The following SGIP1 variants were observed in gnomAD, a reference collection of about 807,000 sequenced individuals.
SGIP1 encodes the protein SH3GL interacting endocytic adaptor 1.
In SGIP1, 38 loss-of-function variants were observed where a neutral mutation model predicts 107.5. The observed-to-expected ratio is 0.35, with a 90% CI of 0.27 to 0.46. The LOEUF is 0.46. SGIP1 is among the 20% of genes least tolerant of loss of function. The pLI is 1.00. For synonymous variants in SGIP1, 365 were observed against 366.1 expected (o/e 1.00, Z 0.03); for missense variants, 929 against 1,019.5 (o/e 0.91, Z 1.21).
In SGIP1 at chr1:66,599,152, A is replaced by G. The variant is rs80252493; in HGVS notation, c.11-26695A>G. ...ACAACTACTAAGTTATTAAGGACATAAATGCTCAAGTTACTCGAACCTAAC... is the reference window on the plus strand; with the variant it reads ...ACAACTACTAAGTTATTAAGGACATGAATGCTCAAGTTACTCGAACCTAAC... On this transcript the variant is annotated intron_variant, in intron 1 of 24. Transcript: ENST00000371037. 2.6e-5 allele frequency among the ~76,000 whole-genome samples: 4 copies of G among 152,340 alleles called. No individual in the cohort carries two copies. In the East Asian group the frequency reaches 7.7e-4, roughly 29 times the overall value.
chr1:66,633,880 T>C (rs1041079702), intron 3 of SGIP1, among the ~76,000 whole-genome samples: 2 of 152,186 alleles, frequency 1.3e-5, no homozygotes, highest in Admixed American at 6.5e-5. Context: ...TAAAAAATTT[T>C]TTAAATCACC....
intron 1 of SGIP1, among the ~76,000 whole-genome samples, chr1:66,588,638 C>CTTTTTT (rs35096597): frequency 3.0e-5 from 3 of 98,660 alleles, no homozygotes; most frequent in African/African-American, 7.3e-5. Context: ...CTAGTTAGTT[C>CTTTTTT]TTTTTTTTTT....
chr1:66,715,926 A>G (rs1210331683), intron 18 of SGIP1, among the ~76,000 whole-genome samples: 2 of 152,190 alleles, frequency 1.3e-5, no homozygotes, highest in African/African-American at 4.8e-5. Context: ...TGAATCTGCC[A>G]TGATGATCAT....
intron 4 of SGIP1, among the ~76,000 whole-genome samples, chr1:66,636,507 A>T (rs2075806040): frequency 6.6e-6 from 1 of 152,212 alleles, no homozygotes; most frequent in Non-Finnish European, 1.5e-5. Flanking sequence ...CGTGTTGTAC[A>T]TTATGGTAGC....
intron 1 of SGIP1, among the ~76,000 whole-genome samples, chr1:66,549,971 TC>T (rs1026591398): frequency 1.3e-5 from 2 of 152,156 alleles, no homozygotes; most frequent in Non-Finnish European, 2.9e-5. Flanking sequence ...GAAGCAGGAA[TC>T]TTTTAGGGAA....
chr1:66,584,159 T>G (rs1211989964), intron 1 of SGIP1, among the ~76,000 whole-genome samples: 2 of 152,128 alleles, frequency 1.3e-5, no homozygotes, highest in African/African-American at 4.8e-5. Context: ...ATAAGCTTCT[T>G]GAATTTATGA....
chr1:66,717,653 C>T (rs145899217), intron 18 of SGIP1, among the ~76,000 whole-genome samples: 169 of 152,244 alleles, frequency 1.1e-3, no homozygotes, highest in African/African-American at 3.9e-3. Flanking sequence ...TAATAACGTC[C>T]TCAGAGTCTA....
chr1:66,556,719 G>C (rs527299557), intron 1 of SGIP1, among the ~76,000 whole-genome samples: 4 of 151,338 alleles, frequency 2.6e-5, no homozygotes, highest in Middle Eastern at 3.4e-3. Flanking sequence ...GTTCAAATGA[G>C]CGTGGAGATC....
Position 66,743,129 on chromosome 1 carries a change from T to A in SGIP1, c.*34T>A. Reference sequence around the variant, plus strand: ...TATGCAAGGATTTGGAGGATTCATATAATGGAGAACTGATGTATGAGAAAC... The same window carrying A: ...TATGCAAGGATTTGGAGGATTCATAAAATGGAGAACTGATGTATGAGAAAC... On this transcript the variant is annotated 3_prime_UTR_variant, in exon 25 of 25. Transcript: ENST00000371037. 1.2e-6 allele frequency: 2 copies of A among 1,610,600 alleles called. No individual in the cohort carries two copies. The highest frequency in any genetic ancestry group is 8.5e-7 in the Non-Finnish European group (1 of 1,177,642).
At chr1:66,625,953 A>G (rs769775272) in intron 2 of SGIP1, 43 bp downstream of exon 2, 6 of 1,517,558 alleles carry the variant, frequency 4.0e-6, no homozygotes, top group Non-Finnish European at 5.5e-6. Flanking sequence ...AGCTATTTGC[A>G]TAAGAGATGC....
chr1:66,600,292 A>G (rs2065531294), intron 1 of SGIP1, among the ~76,000 whole-genome samples: 1 of 152,136 alleles, frequency 6.6e-6, no homozygotes, highest in Non-Finnish European at 1.5e-5. Flanking sequence ...TCTTTTTTCA[A>G]TTTGAATAGC....
At chr1:66,707,226 A>G (rs1184275059) in intron 18 of SGIP1, among the ~76,000 whole-genome samples, 2 of 151,144 alleles carry the variant, frequency 1.3e-5, no homozygotes, top group African/African-American at 4.9e-5. Flanking sequence ...GTAGAAAAGC[A>G]TTTTTTTTTC....
chr1:66,534,068 C>T (rs539524620), upstream of SGIP1: 18 of 513,522 alleles, frequency 3.5e-5, no homozygotes, highest in East Asian at 3.6e-4. Flanking sequence ...TACCATGTGA[C>T]GCGGTCCAAA....
intron 1 of SGIP1, among the ~76,000 whole-genome samples, chr1:66,573,026 T>TA (rs1374000400): frequency 1.3e-5 from 2 of 151,860 alleles, no homozygotes; most frequent in Non-Finnish European, 2.9e-5. Flanking sequence ...AGAGAGAAAG[T>TA]AGATTAATGT....
At chr1:66,667,846 G>A (rs1176709739) in intron 9 of SGIP1, among the ~76,000 whole-genome samples, 2 of 151,974 alleles carry the variant, frequency 1.3e-5, no homozygotes, top group Admixed American at 6.6e-5. Flanking sequence ...TATATAAAAG[G>A]CCTAGAGATT....
intron 4 of SGIP1, among the ~76,000 whole-genome samples, chr1:66,638,798 C>T (rs1037316833): frequency 6.6e-6 from 1 of 152,224 alleles, no homozygotes; most frequent in East Asian, 1.9e-4. Flanking sequence ...GTTCAAGTGG[C>T]CTTTATTTGT....
At chr1:66,691,022 GTC>G (rs1036256621) in intron 17 of SGIP1, among the ~76,000 whole-genome samples, 1 of 152,086 alleles carries the variant, frequency 6.6e-6, no homozygotes, top group Non-Finnish European at 1.5e-5. Context: ...TCCAAAGCTG[GTC>G]TCTCTCTTTT....
chr1:66,727,796 T>C (rs1343572945), intron 19 of SGIP1, among the ~76,000 whole-genome samples: 1 of 152,228 alleles, frequency 6.6e-6, no homozygotes, highest in Non-Finnish European at 1.5e-5. Flanking sequence ...AATTCTGTTA[T>C]ATGAAATTCT....
intron 17 of SGIP1, among the ~76,000 whole-genome samples, chr1:66,692,248 A>C (rs998924084): frequency 4.6e-5 from 7 of 152,126 alleles, no homozygotes; most frequent in Admixed American, 2.0e-4. Flanking sequence ...GAAATCTCAA[A>C]TCCTGGCCAG....
Sources: gnomAD v4.1 joint callset for allele counts (sites outside exome capture counted in the v4.1 genomes callset) on GRCh38, gnomAD v4.1.1 for gene constraint, MANE v1.5 for transcripts, NCBI Gene and HGNC (gene_info 2026-07-23, HGNC 2026-07-21) for gene names.